HTN3: variants seen among roughly 807,000 people sequenced by gnomAD.
The protein encoded by HTN3 is histatin 3, also known as histatin-3.
HTN3 carries 15 observed loss-of-function variants against 10.6 expected under a neutral mutation model. The observed-to-expected ratio is 1.42, with a 90% confidence interval of 0.95 to 2.18. HTN3 has a LOEUF of 2.18. Among genes scored for constraint, HTN3 ranks in the 30% most tolerant of loss-of-function variants. The pLI is 0.00. For missense variants in HTN3, 68 were observed against 58.0 expected, an observed-to-expected ratio of 1.17 and a Z score of -0.56; for synonymous variants, 15 against 16.9, an observed-to-expected ratio of 0.89 and a Z score of 0.27.
At chr4:70,033,146 T>C in intron 4 of HTN3, 21 bp from the exon 5 acceptor site, 1 of 1,588,592 alleles carries the variant, frequency 6.3e-7, no homozygotes, top group Non-Finnish European at 8.6e-7. Context: ...CAATTTGCTC[T>C]CTCCTTTTGT....
chr4:70,034,511 T>G (rs1193409604), intron 5 of HTN3: 1 of 152,212 alleles, frequency 6.6e-6, no homozygotes, highest in Non-Finnish European at 1.5e-5. Flanking sequence ...AGATACCATC[T>G]CACACCAGTT....
rs750313001 is a variant in HTN3 at position 70,033,232 on chromosome 4, A to G, written c.*12A>G. 3 of 1,541,666 alleles carry G rather than the reference A, an allele frequency of 1.9e-6. No individual in the cohort carries two copies. The East Asian group carries it at 6.8e-5, about 35-fold the overall frequency. ...TGTATGACAATTGATATCTTCAGTAATCACGGGGCATGATTATGGAGGTAA... is the reference window on the plus strand; with the variant it reads ...TGTATGACAATTGATATCTTCAGTAGTCACGGGGCATGATTATGGAGGTAA... On this transcript the variant is annotated 3_prime_UTR_variant, in exon 5 of 6. Coordinates refer to ENST00000673563, the MANE Select transcript of HTN3 (RefSeq NM_000200.3).
intron 4 of HTN3, 128 bp downstream of exon 4, chr4:70,032,235 T>C: frequency 1.4e-6 from 1 of 710,484 alleles, no homozygotes; most frequent in South Asian, 1.9e-5. Flanking sequence ...TACATTGATT[T>C]CATTTATTCT....
At chr4:70,031,635 C>T (rs1725383777) in intron 2 of HTN3, among the ~76,000 whole-genome samples, 2 of 152,048 alleles carry the variant, frequency 1.3e-5, no homozygotes, top group Non-Finnish European at 2.9e-5. Flanking sequence ...ATGTTGGTAG[C>T]TTTTGAGCTA....
chr4:70,031,634 G>C (rs1725383728), intron 2 of HTN3, among the ~76,000 whole-genome samples: 1 of 152,048 alleles, frequency 6.6e-6, no homozygotes, highest in Non-Finnish European at 1.5e-5. Flanking sequence ...TATGTTGGTA[G>C]CTTTTGAGCT....
At chr4:70,034,849 C>T (rs1182434477) in intron 5 of HTN3, among the ~76,000 whole-genome samples, 1 of 152,140 alleles carries the variant, frequency 6.6e-6, no homozygotes, top group Non-Finnish European at 1.5e-5. Flanking sequence ...ACGTATACAC[C>T]ATGGAACACT....
intron 2 of HTN3, among the ~76,000 whole-genome samples, chr4:70,031,569 T>A (rs1578173823): frequency 6.6e-6 from 1 of 152,032 alleles, no homozygotes; most frequent in East Asian, 1.9e-4. Flanking sequence ...AATAAACATA[T>A]AAGAAGAACA....
intron 2 of HTN3, among the ~76,000 whole-genome samples, chr4:70,031,566 A>T (rs1427514871): frequency 6.6e-6 from 1 of 152,178 alleles, no homozygotes; most frequent in African/African-American, 2.4e-5. Context: ...AAAAATAAAC[A>T]TATAAGAAGA....
At chr4:70,029,723 G>A (rs560707764) in intron 1 of HTN3, among the ~76,000 whole-genome samples, 10,695 of 152,060 alleles carry the variant, frequency 0.07, 1,268 homozygotes, top group African/African-American at 0.25. Context: ...CCGAAGAACT[G>A]GATTCACTTG....
chr4:70,033,318 A>C, intron 5 of HTN3, 65 bp downstream of exon 5: 1 of 773,154 alleles, frequency 1.3e-6, no homozygotes, highest in Non-Finnish European at 2.1e-6. Context: ...ACAAGGAAAA[A>C]TTAAAAAAAA....
intron 1 of HTN3, among the ~76,000 whole-genome samples, chr4:70,028,769 T>G (rs1201768992): frequency 6.6e-6 from 1 of 152,138 alleles, no homozygotes; most frequent in African/African-American, 2.4e-5. Flanking sequence ...GGGACCTCAA[T>G]GAACTCTTTT....
chr4:70,030,597 T>C, intron 1 of HTN3, 131 bp from the exon 2 acceptor site: 2 of 671,076 alleles, frequency 3.0e-6, no homozygotes, highest in Non-Finnish European at 5.3e-6. Flanking sequence ...TCTGTGCTCA[T>C]GCCCCTGCAC....
At chr4:70,032,188 T>C in intron 4 of HTN3, 81 bp downstream of exon 4, 1 of 901,438 alleles carries the variant, frequency 1.1e-6, no homozygotes, top group Non-Finnish European at 1.8e-6. Context: ...TTGATAGTTA[T>C]CTCTCAAATA....
chr4:70,029,920 T>C (rs1265133340), intron 1 of HTN3, among the ~76,000 whole-genome samples: 1 of 152,210 alleles, frequency 6.6e-6, no homozygotes, highest in Non-Finnish European at 1.5e-5. Context: ...GGTTGCACCA[T>C]CTGTGCTATT....
At chr4:70,031,571 A>G (rs1038388920) in intron 2 of HTN3, among the ~76,000 whole-genome samples, 1 of 152,142 alleles carries the variant, frequency 6.6e-6, no homozygotes, top group African/African-American at 2.4e-5. Context: ...TAAACATATA[A>G]GAAGAACAGA....
At position 70,031,966 on chromosome 4, in the gene HTN3, C is replaced by G. The variant is rs2109708064; in HGVS notation, c.52-13C>G. 2.6e-6 allele frequency: 4 copies of G among 1,524,876 alleles called. No homozygotes were observed. The East Asian group carries it at 6.8e-5, about 26-fold the overall frequency. 94.5% of individuals were successfully genotyped at this position (1,524,876 alleles called of 1,614,324 possible). A position where few individuals can be genotyped will look rare whatever the true frequency, so the allele number is the denominator to read the frequency against. Reference sequence around the variant, plus strand: ...AAGATATTAATTATTTTCTCATTTTCTTCTTTTCCAAGGGAGCTGATTCAC... The same window carrying G: ...AAGATATTAATTATTTTCTCATTTTGTTCTTTTCCAAGGGAGCTGATTCAC... On this transcript the variant is annotated splice_polypyrimidine_tract_variant and intron_variant, in intron 2 of 5. Coordinates refer to ENST00000673563, the MANE Select transcript of HTN3 (RefSeq NM_000200.3).
In HTN3 at chr4:70,032,111, AGT is replaced by A. The variant is rs746205585; in HGVS notation, c.102+7_102+8del. 2 of 1,500,150 alleles carry A rather than the reference AGT, an allele frequency of 1.3e-6. No homozygotes were observed. Among genetic ancestry groups the A allele is most frequent in the Non-Finnish European group, 1.8e-6 (2 of 1,084,130 alleles). 92.9% of individuals were successfully genotyped at this position (1,500,150 alleles called of 1,614,324 possible). On this transcript the variant is annotated splice_donor_5th_base_variant and intron_variant, in intron 4 of 5. Transcript: ENST00000673563. The stretch of plus-strand genomic sequence containing the variant: ...TGGGTATAAAAGAAAATTCCATGTA[AGT>A]GTTCTTCTGATAATGTGCACTCTGA...
chr4:70,034,183 C>T (rs1725453628), intron 5 of HTN3: 1 of 152,068 alleles, frequency 6.6e-6, no homozygotes, highest in Admixed American at 6.5e-5. Context: ...AAAGCAATGG[C>T]AACAAAAGCC....
intron 5 of HTN3, chr4:70,033,556 C>G (rs13118941): frequency 0.52 from 99,296 of 190,588 alleles, 26,602 homozygotes; most frequent in East Asian, 0.63. Context: ...ATGCCTTCAG[C>G]TTTGTTCCTT....
Sources: gnomAD v4.1 joint callset for allele counts (sites outside exome capture counted in the v4.1 genomes callset) on GRCh38, gnomAD v4.1.1 for gene constraint, MANE v1.5 for transcripts, NCBI Gene and HGNC (gene_info 2026-07-23, HGNC 2026-07-21) for gene names.